CNTN4: variants seen among roughly 807,000 people sequenced by gnomAD.
The protein encoded by CNTN4 is contactin 4, also known as contactin-4.
In CNTN4, 77 loss-of-function variants were observed where a neutral mutation model predicts 122.5. That is an observed-to-expected ratio of 0.63 (90% CI 0.52 to 0.76). CNTN4 has a LOEUF of 0.76. CNTN4 is among the 30% of genes least tolerant of loss of function. The pLI, the probability that CNTN4 is intolerant of heterozygous loss-of-function variation, is 0.00. For missense variants in CNTN4, 1,256 were observed against 1,259.1 expected (o/e 1.00, Z 0.04); for synonymous variants, 512 against 447.0 (o/e 1.15, Z -1.83).
At chr3:2,120,045 A>C (rs771530475) in intron 2 of CNTN4, among the ~76,000 whole-genome samples, 2 of 151,974 alleles carry the variant, frequency 1.3e-5, no homozygotes, top group Non-Finnish European at 2.9e-5. Context: ...CCAGGGAAGA[A>C]AGTTCCAGGC....
chr3:2,454,835 A>C (rs1031298084), intron 3 of CNTN4, among the ~76,000 whole-genome samples: 3 of 152,148 alleles, frequency 2.0e-5, no homozygotes, highest in African/African-American at 7.2e-5. Flanking sequence ...ATTTTTAAAA[A>C]CTTTTTCGAT....
intron 7 of CNTN4, among the ~76,000 whole-genome samples, chr3:2,839,869 G>A (rs2093315675): frequency 6.6e-6 from 1 of 152,134 alleles, no homozygotes; most frequent in African/African-American, 2.4e-5. Context: ...GGGAATCCCT[G>A]GAACAGTCCG....
intron 4 of CNTN4, among the ~76,000 whole-genome samples, chr3:2,683,086 C>G (rs188526424): frequency 2.6e-5 from 4 of 152,046 alleles, no homozygotes; most frequent in Non-Finnish European, 5.9e-5. Context: ...CAAAACAATC[C>G]ACCACCATTA....
At chr3:2,644,402 T>A (rs999455108) in intron 4 of CNTN4, among the ~76,000 whole-genome samples, 5 of 152,126 alleles carry the variant, frequency 3.3e-5, no homozygotes, top group African/African-American at 1.2e-4. Flanking sequence ...TCTAACACTT[T>A]TACCATCTTT....
chr3:2,961,393 T>TG (rs148869777), intron 13 of CNTN4, among the ~76,000 whole-genome samples: 3,044 of 152,078 alleles, frequency 0.02, 105 homozygotes, highest in African/African-American at 0.07. Flanking sequence ...GTATGTTATG[T>TG]GGTGATAGCT....
intron 2 of CNTN4, among the ~76,000 whole-genome samples, chr3:2,234,770 T>A (rs1440147875): frequency 6.6e-6 from 1 of 152,222 alleles, no homozygotes; most frequent in Non-Finnish European, 1.5e-5. Context: ...ATTTCTCTTT[T>A]ACTTTTTTCT....
intron 14 of CNTN4, among the ~76,000 whole-genome samples, chr3:3,021,645 T>A (rs369499915): frequency 6.6e-6 from 1 of 152,306 alleles, no homozygotes; most frequent in South Asian, 2.1e-4. Context: ...ACTATCCTGA[T>A]AGGCACCAAG....
intron 4 of CNTN4, among the ~76,000 whole-genome samples, chr3:2,622,694 A>T (rs1026438015): frequency 2.0e-5 from 3 of 152,190 alleles, no homozygotes; most frequent in Non-Finnish European, 4.4e-5. Context: ...AGACCTTTTG[A>T]GTTCTTCATA....
intron 6 of CNTN4, among the ~76,000 whole-genome samples, chr3:2,789,014 A>G (rs1256332904): frequency 6.6e-6 from 1 of 151,454 alleles, no homozygotes; most frequent in East Asian, 1.9e-4. Flanking sequence ...CCTGTATTTT[A>G]TTTTCTCTTT....
At chr3:2,903,662 G>T (rs1431479671) in intron 12 of CNTN4, among the ~76,000 whole-genome samples, 1 of 152,170 alleles carries the variant, frequency 6.6e-6, no homozygotes, top group African/African-American at 2.4e-5. Flanking sequence ...AGAAAGTCAT[G>T]CTTGGGTCAA....
chr3:2,788,404 T>C (rs1283017896), intron 6 of CNTN4, among the ~76,000 whole-genome samples: 3 of 152,198 alleles, frequency 2.0e-5, no homozygotes, highest in Non-Finnish European at 4.4e-5. Context: ...CATACTATCA[T>C]GATAAAATAG....
chr3:2,865,508 A>G (rs1206944470), intron 7 of CNTN4, among the ~76,000 whole-genome samples: 5 of 152,234 alleles, frequency 3.3e-5, no homozygotes, highest in East Asian at 1.9e-4. Context: ...AAAGTGACAT[A>G]TAAGAACTCA....
At chr3:2,573,491 A>T (rs1216948815) in intron 4 of CNTN4, among the ~76,000 whole-genome samples, 12 of 152,164 alleles carry the variant, frequency 7.9e-5, no homozygotes, top group Non-Finnish European at 1.5e-4. Flanking sequence ...TTAGAGTTTT[A>T]ACTTCTCATA....
intron 2 of CNTN4, among the ~76,000 whole-genome samples, chr3:2,177,267 C>T (rs1012500344): frequency 6.6e-6 from 1 of 152,080 alleles, no homozygotes; most frequent in Non-Finnish European, 1.5e-5. Context: ...GGATGGAATT[C>T]AACATTTTCA....
chr3:2,250,978 G>T (rs2040355836), intron 2 of CNTN4, among the ~76,000 whole-genome samples: 1 of 151,840 alleles, frequency 6.6e-6, no homozygotes, highest in African/African-American at 2.4e-5. Flanking sequence ...CTGAGTAAGA[G>T]AAATTCTGCT....
chr3:2,276,439 G>A (rs2041514337), intron 2 of CNTN4, among the ~76,000 whole-genome samples: 1 of 152,222 alleles, frequency 6.6e-6, no homozygotes, highest in Non-Finnish European at 1.5e-5. Flanking sequence ...CTCCCAAAGT[G>A]CTGGGATTAC....
intron 23 of CNTN4, among the ~76,000 whole-genome samples, chr3:3,048,751 T>G (rs2125859679): frequency 6.6e-6 from 1 of 152,294 alleles, no homozygotes; most frequent in East Asian, 1.9e-4. Context: ...TTTCCAAAAT[T>G]AAGTTTTCCT....
rs12494352 is a variant in CNTN4, at chr3:2,613,362, G to T, written c.55+41804G>T. Among the ~76,000 whole-genome samples, 4 of 151,858 alleles carry T rather than the reference G, an allele frequency of 2.6e-5. No homozygotes were observed. The South Asian group carries it at 8.3e-4, about 32-fold the overall frequency. ...TCATGATCATTTACTTAGATCAACC[G>T]TGATTCAACCATAGACTTGTGGATG... On this transcript the variant is annotated intron_variant, in intron 4 of 24. Coordinates refer to ENST00000418658, the MANE Select transcript of CNTN4 (RefSeq NM_175607.3).
At chr3:2,845,399 A>G (rs2093439021) in intron 7 of CNTN4, among the ~76,000 whole-genome samples, 1 of 152,096 alleles carries the variant, frequency 6.6e-6, no homozygotes, top group African/African-American at 2.4e-5. Context: ...ATATTGACAA[A>G]TAATAAATTT....
Sources: gnomAD v4.1 joint callset for allele counts (sites outside exome capture counted in the v4.1 genomes callset) on GRCh38, gnomAD v4.1.1 for gene constraint, MANE v1.5 for transcripts, NCBI Gene and HGNC (gene_info 2026-07-23, HGNC 2026-07-21) for gene names.